The following TESMIN variants were observed in gnomAD, a reference collection of about 807,000 sequenced individuals.
The protein encoded by TESMIN is CXC domain containing 2.
A neutral mutation model predicts 47.4 loss-of-function variants in TESMIN; 34 were observed. The ratio of observed to expected loss-of-function variants is 0.72; its 90% CI spans 0.55 to 0.96. TESMIN has a LOEUF of 0.96. Ranked by LOEUF, TESMIN falls within the 40% of genes least tolerant of loss-of-function variation. The probability of loss-of-function intolerance (pLI) is 0.00; values close to 1 mark genes in which losing one functional copy is unlikely to be tolerated. For missense variants in TESMIN, 610 were observed against 637.2 expected (o/e 0.96, Z 0.46); for synonymous variants, 278 against 258.9 (o/e 1.07, Z -0.71).
Position 68,708,387 on chromosome 11 carries a change from A to G in TESMIN, c.1448T>C (p.Met483Thr). Residue 483 changes from methionine to threonine, a missense_variant, in exon 10 of 10, where the codon ATG (methionine) becomes ACG (threonine). Coordinates refer to ENST00000255087, the MANE Select transcript of TESMIN (RefSeq NM_004923.3). ...GCACCTTCCAAATTCCTCCAGGATC[A>G]TCTGCTCTGCCAGGCACTTGGAGCA... ...EHCSKCLAEQ[M>T]ILEEFGRCLS... 1 of 1,614,188 alleles carries G rather than the reference A, an allele frequency of 6.2e-7. No homozygotes were observed. Among genetic ancestry groups the G allele is most frequent in the South Asian group, 1.1e-5 (1 of 91,088 alleles).
At chr11:68,741,767 G>A (rs867192744) in intron 5 of TESMIN, among the ~76,000 whole-genome samples, 1 of 152,168 alleles carries the variant, frequency 6.6e-6, no homozygotes, top group African/African-American at 2.4e-5. Flanking sequence ...ACCACAAAAC[G>A]CAAGCCAGTG....
intron 9 of TESMIN, 43 bp downstream of exon 9, chr11:68,710,831 C>A: frequency 6.5e-7 from 1 of 1,530,652 alleles, no homozygotes; most frequent in Non-Finnish European, 8.9e-7. Context: ...CTCAAATTAA[C>A]CTCTGTTCCC....
At chr11:68,715,777 G>T in intron 7 of TESMIN, 60 bp downstream of exon 7, 1 of 1,212,086 alleles carries the variant, frequency 8.3e-7, no homozygotes, top group South Asian at 1.4e-5. Context: ...GTGATTTTAT[G>T]AACATCTCAA....
At chr11:68,711,921 G>A (rs1416655069) in intron 8 of TESMIN, among the ~76,000 whole-genome samples, 1 of 152,326 alleles carries the variant, frequency 6.6e-6, no homozygotes, top group Non-Finnish European at 1.5e-5. Context: ...GGGCCCCAGG[G>A]GCTGACCAAG....
At chr11:68,711,423 TTGAA>T (rs950251163) in intron 8 of TESMIN, among the ~76,000 whole-genome samples, 18 of 131,442 alleles carry the variant, frequency 1.4e-4, no homozygotes, top group African/African-American at 4.3e-4. Context: ...CTGTGTGTGT[TTGAA>T]TGTGTGCGTT....
downstream of TESMIN, among the ~76,000 whole-genome samples, chr11:68,705,916 A>C (rs918836775): frequency 1.3e-5 from 2 of 150,918 alleles, no homozygotes; most frequent in African/African-American, 4.9e-5. Context: ...TCAGCTACTC[A>C]GGAGGCTGAG....
At chr11:68,708,628 T>C (rs1230126912) in intron 9 of TESMIN, 128 bp from the exon 10 acceptor site, 1 of 907,752 alleles carries the variant, frequency 1.1e-6, no homozygotes, top group Non-Finnish European at 1.6e-6. Flanking sequence ...AAATCTAACG[T>C]TGTCTTCCTC....
chr11:68,738,498 T>C (rs912427158), intron 6 of TESMIN: 6 of 1,375,584 alleles, frequency 4.4e-6, no homozygotes, highest in Non-Finnish European at 5.6e-6. Flanking sequence ...GGCCAGACTT[T>C]CCAGCAGCCT....
intron 4 of TESMIN, among the ~76,000 whole-genome samples, chr11:68,744,516 C>G (rs1594302538): frequency 6.6e-6 from 1 of 152,312 alleles, no homozygotes; most frequent in Admixed American, 6.5e-5. Context: ...GAATGTCAGA[C>G]AAATCCTTTG....
chr11:68,719,650 C>T (rs974661728), intron 6 of TESMIN, among the ~76,000 whole-genome samples: 3 of 152,148 alleles, frequency 2.0e-5, no homozygotes, highest in Non-Finnish European at 4.4e-5. Context: ...CAGGGTACTA[C>T]TATGTTTTGT....
chr11:68,725,679 T>C (rs908872209), intron 6 of TESMIN, among the ~76,000 whole-genome samples: 2 of 152,024 alleles, frequency 1.3e-5, no homozygotes, highest in East Asian at 1.9e-4. Context: ...CACTATGTTG[T>C]CCAGGCTGGT....
At chr11:68,714,465 C>A (rs1946110600) in intron 7 of TESMIN, among the ~76,000 whole-genome samples, 1 of 152,216 alleles carries the variant, frequency 6.6e-6, no homozygotes, top group Admixed American at 6.5e-5. Flanking sequence ...CAGCGGTGCA[C>A]CCCCGCGGGG....
At chr11:68,719,930 G>A (rs559245350) in intron 6 of TESMIN, among the ~76,000 whole-genome samples, 57 of 152,238 alleles carry the variant, frequency 3.7e-4, no homozygotes, top group South Asian at 1.9e-3. Flanking sequence ...TGAGTTTTCC[G>A]GAACTGATGA....
intron 6 of TESMIN, among the ~76,000 whole-genome samples, chr11:68,727,489 T>C (rs1218852286): frequency 6.6e-6 from 1 of 152,170 alleles, no homozygotes; most frequent in East Asian, 1.9e-4. Flanking sequence ...AAAAAATATC[T>C]ACACTCATGG....
downstream of TESMIN, among the ~76,000 whole-genome samples, chr11:68,705,431 C>T (rs546833504): frequency 5.3e-5 from 8 of 152,290 alleles, no homozygotes; most frequent in South Asian, 1.7e-3. Context: ...ATAGGAGCAT[C>T]CAAGCCGAGA....
chr11:68,708,944 G>A (rs953947915), intron 9 of TESMIN, among the ~76,000 whole-genome samples: 1 of 151,954 alleles, frequency 6.6e-6, no homozygotes, highest in South Asian at 2.1e-4. Context: ...GTAGAGACAG[G>A]GTTTTGCCAT....
chr11:68,731,842 ACT>A (rs1166517026), intron 6 of TESMIN, among the ~76,000 whole-genome samples: 2 of 152,134 alleles, frequency 1.3e-5, no homozygotes, highest in Non-Finnish European at 2.9e-5. Context: ...CAGAACACAA[ACT>A]TTATTAGTAT....
At chr11:68,736,052 C>G (rs954033336) in intron 6 of TESMIN, 45 of 980,760 alleles carry the variant, frequency 4.6e-5, no homozygotes, top group Non-Finnish European at 5.2e-5. Flanking sequence ...GTGGACAACT[C>G]TGCCTCAGAA....
chr11:68,737,702 A>C lies in TESMIN; in HGVS notation c.917+998T>G, dbSNP rs566498652. On this transcript the variant is annotated intron_variant, in intron 6 of 9. Coordinates refer to ENST00000255087, the MANE Select transcript of TESMIN (RefSeq NM_004923.3). ...TGAGATGGGCGGATCATCTGAGGTC[A>C]GTATTTCAAGACCAGCCTGGCCAAC... 2.0e-4 allele frequency: 195 copies of C among 968,784 alleles called. No individual in the cohort carries two copies. The African/African-American group carries it at 3.2e-3, about 16-fold the overall frequency. The allele number at this position is 968,784 out of a possible 1,614,324, so 60.0% of individuals were successfully genotyped here. A position where few individuals can be genotyped will look rare whatever the true frequency, so the allele number is the denominator to read the frequency against.
Sources: gnomAD v4.1 joint callset for allele counts (sites outside exome capture counted in the v4.1 genomes callset) on GRCh38, gnomAD v4.1.1 for gene constraint, MANE v1.5 for transcripts, NCBI Gene and HGNC (gene_info 2026-07-23, HGNC 2026-07-21) for gene names.